The following CCNH variants were observed in gnomAD, a reference collection of about 807,000 sequenced individuals.
CCNH encodes cyclin H.
Under a neutral mutation model 41.9 loss-of-function variants are expected in CCNH, and 31 were observed. The observed-to-expected ratio is 0.74, with a 90% CI of 0.56 to 1.00. CCNH has a LOEUF of 1.00. Ranked by LOEUF, CCNH falls within the 50% of genes least tolerant of loss-of-function variation. CCNH has a pLI of 0.00. For missense variants in CCNH, 362 were observed against 388.4 expected (o/e 0.93, Z 0.57); for synonymous variants, 138 against 136.1 (o/e 1.01, Z -0.10).
At chr5:87,391,763 C>T (rs1032811361), downstream of CCNH, 8 of 232,296 alleles carry the variant, frequency 3.4e-5, no homozygotes, top group Non-Finnish European at 6.8e-5. Flanking sequence ...ACAACCTCAT[C>T]AGCTGCCTAA....
chr5:87,344,376 A>C (rs992425927), intron 9 of CCNH, among the ~76,000 whole-genome samples: 4 of 152,170 alleles, frequency 2.6e-5, no homozygotes, highest in Admixed American at 2.0e-4. Context: ...TGAATCTTAT[A>C]CTGATTCTCC....
chr5:87,344,667 C>CA (rs1347493636), intron 9 of CCNH, among the ~76,000 whole-genome samples: 1 of 149,512 alleles, frequency 6.7e-6, no homozygotes, highest in Admixed American at 6.7e-5. Context: ...CCACACCTGG[C>CA]AAATGTTGTA....
intron 9 of CCNH, among the ~76,000 whole-genome samples, chr5:87,384,613 G>A (rs920711091): frequency 2.6e-5 from 4 of 151,942 alleles, no homozygotes; most frequent in East Asian, 1.9e-4. Context: ...CTGGATGTTC[G>A]CCTCAGACAA....
chr5:87,356,948 C>T (rs192846498), intron 9 of CCNH, among the ~76,000 whole-genome samples: 19 of 152,156 alleles, frequency 1.2e-4, no homozygotes, highest in Admixed American at 5.2e-4. Context: ...ATTGTTTTTT[C>T]CCAGTGCTTA....
intron 9 of CCNH, among the ~76,000 whole-genome samples, chr5:87,384,139 C>A (rs184514345): frequency 1.7e-4 from 26 of 152,212 alleles, no homozygotes; most frequent in African/African-American, 6.3e-4. Flanking sequence ...CTGCTGCCAG[C>A]TAGATCTTCA....
At chr5:87,338,119 C>A in intron 9 of CCNH, 1 of 1,610,370 alleles carries the variant, frequency 6.2e-7, no homozygotes, top group Non-Finnish European at 8.5e-7. Context: ...CTTCTCAATT[C>A]TAGATTCTAA....
At chr5:87,412,297 A>G in intron 1 of CCNH, 1 of 530,720 alleles carries the variant, frequency 1.9e-6, no homozygotes, top group African/African-American at 2.0e-5. Flanking sequence ...CCTCCCTCCC[A>G]CTCTGAACGG....
At chr5:87,342,349 C>G (rs1238176941) in intron 9 of CCNH, among the ~76,000 whole-genome samples, 3 of 151,762 alleles carry the variant, frequency 2.0e-5, no homozygotes, top group Admixed American at 2.0e-4. Flanking sequence ...AGTAGAGATG[C>G]GGTTTTGCCA....
At chr5:87,374,735 T>G, downstream of CCNH, 1 of 1,503,954 alleles carries the variant, frequency 6.6e-7, no homozygotes, top group East Asian at 2.4e-5. Flanking sequence ...CACTGTTTTT[T>G]TTTTTAAAGC....
At chr5:87,394,807 T>C in intron 8 of CCNH, 1 of 1,370,854 alleles carries the variant, frequency 7.3e-7, no homozygotes, top group South Asian at 1.9e-5. Context: ...GTAGTATGTA[T>C]ACATATTGCT....
At chr5:87,380,888 A>G (rs1352288596), upstream of CCNH, among the ~76,000 whole-genome samples, 1 of 152,198 alleles carries the variant, frequency 6.6e-6, no homozygotes. Context: ...CTAACTTCAT[A>G]TAGTATTCTT....
chr5:87,323,385 ATGGGCATAT>A (rs969772652), intron 9 of CCNH, among the ~76,000 whole-genome samples: 21 of 152,204 alleles, frequency 1.4e-4, no homozygotes, highest in African/African-American at 3.4e-4. Flanking sequence ...TAGTAGAAAA[ATGGGCATAT>A]TGTGGAGAAC....
At chr5:87,327,131 G>T (rs1478566148) in intron 9 of CCNH, among the ~76,000 whole-genome samples, 1 of 152,108 alleles carries the variant, frequency 6.6e-6, no homozygotes, top group Non-Finnish European at 1.5e-5. Flanking sequence ...ATTCTTCTAA[G>T]CAACTTTATA....
intron 9 of CCNH, among the ~76,000 whole-genome samples, chr5:87,323,130 A>G (rs1756950597): frequency 6.6e-6 from 1 of 152,212 alleles, no homozygotes; most frequent in East Asian, 1.9e-4. Flanking sequence ...CTGTGAATAA[A>G]TACAGAAATG....
chr5:87,406,629 T>G (rs1763810216), intron 4 of CCNH, among the ~76,000 whole-genome samples: 1 of 151,490 alleles, frequency 6.6e-6, no homozygotes, highest in Admixed American at 6.6e-5. Flanking sequence ...ATGCAAATAT[T>G]GCAAAATCAA....
At chr5:87,334,331 C>A (rs1398640124) in intron 9 of CCNH, among the ~76,000 whole-genome samples, 1 of 152,124 alleles carries the variant, frequency 6.6e-6, no homozygotes, top group Non-Finnish European at 1.5e-5. Flanking sequence ...GAATTTCTTC[C>A]TCCTCCATTT....
At chr5:87,353,147 A>C in intron 9 of CCNH, 3 of 1,600,576 alleles carry the variant, frequency 1.9e-6, no homozygotes, top group Non-Finnish European at 2.6e-6. Context: ...AGAAATTTTT[A>C]TTTTAACAGC....
At chr5:87,386,913 T>TACTTTTTTTTTCAGACTTTTTTTA, downstream of CCNH, 1 of 1,604,870 alleles carries the variant, frequency 6.2e-7, no homozygotes. Context: ...GGTATGTATA[T>TACTTTTTTTTTCAGACTTTTTTTA]AGTTTTCAGG....
In CCNH at chr5:87,333,144, T is replaced by G. The variant is rs148126341; in HGVS notation, c.*91-14247A>C. 1.8e-3 allele frequency: 2,497 copies of G among 1,415,530 alleles called. 21 individuals are homozygous for G. The highest frequency in any genetic ancestry group is 0.014 in the East Asian group (563 of 39,536). 87.7% of individuals were successfully genotyped at this position (1,415,530 alleles called of 1,614,324 possible). On this transcript the variant is annotated intron_variant and NMD_transcript_variant, in intron 9 of 9. Transcript: ENST00000645953. ...GGGTATTTATAGTCCAAGTAAAAAT[T>G]TATTTGAATGATCCCATGGAGTTTC...
Sources: gnomAD v4.1 joint callset for allele counts (sites outside exome capture counted in the v4.1 genomes callset) on GRCh38, gnomAD v4.1.1 for gene constraint, MANE v1.5 for transcripts, NCBI Gene and HGNC (gene_info 2026-07-23, HGNC 2026-07-21) for gene names.